The following ZNF207 variants were observed in gnomAD, a reference collection of about 807,000 sequenced individuals.
The protein encoded by ZNF207 is zinc finger protein 207.
In ZNF207, 24 loss-of-function variants were observed where a neutral mutation model predicts 60.2. The observed-to-expected ratio is 0.40, with a 90% confidence interval of 0.29 to 0.56. The LOEUF is 0.56. Ranked by LOEUF, ZNF207 falls within the 20% of genes least tolerant of loss-of-function variation. The probability of loss-of-function intolerance (pLI) is 0.49; values close to 1 mark genes in which losing one functional copy is unlikely to be tolerated. For missense variants in ZNF207, 452 were observed against 636.6 expected, an observed-to-expected ratio of 0.71 and a Z score of 3.12; for synonymous variants, 236 against 194.7, an observed-to-expected ratio of 1.21 and a Z score of -1.77.
chr17:32,379,892 C>G lies in ZNF207; in HGVS notation c.*10133C>G, dbSNP rs1905817820. 1 of 152,124 alleles carries G rather than the reference C, an allele frequency of 6.6e-6. No homozygotes were observed. Among genetic ancestry groups the G allele is most frequent in the South Asian group, 2.1e-4 (1 of 4,832 alleles). 9.4% of individuals were successfully genotyped at this position (152,124 alleles called of 1,614,324 possible). ...GTAACACATGGATTATTTTTTCCCT[C>G]TAGTTTTTAACTATATCCTAGATTA... On this transcript the variant is annotated 3_prime_UTR_variant, in exon 12 of 12. Transcript: ENST00000394670.
chr17:32,362,388 C>T (rs958925071), intron 6 of ZNF207, among the ~76,000 whole-genome samples: 1 of 152,136 alleles, frequency 6.6e-6, no homozygotes, highest in Non-Finnish European at 1.5e-5. Flanking sequence ...GTTTGAACTC[C>T]TGAGTTCAAG....
chr17:32,364,571 G>A (rs1597784862), intron 7 of ZNF207, among the ~76,000 whole-genome samples: 1 of 151,790 alleles, frequency 6.6e-6, no homozygotes, highest in Admixed American at 6.6e-5. Flanking sequence ...TGTTGGTCAG[G>A]CTGGTCTCGA....
Position 32,381,303 on chromosome 17 carries a change from A to G in ZNF207, c.*11544A>G, listed in dbSNP as rs1233584152. The G allele has an allele frequency of 6.6e-6, 1 of 152,242 alleles. No individual in the cohort carries two copies. Among genetic ancestry groups the G allele is most frequent in the African/African-American group, 2.4e-5 (1 of 41,464 alleles). The allele number at this position is 152,242 out of a possible 1,614,324, so 9.4% of individuals were successfully genotyped here. On this transcript the variant is annotated 3_prime_UTR_variant, in exon 12 of 12. Coordinates refer to ENST00000394670, the MANE Select transcript of ZNF207 (RefSeq NM_001098507.2). ...AGGAGGTCCTGAACAAAGCATGATAAATGTTAGTCCATGTGTATTATTAAA... is the reference window on the plus strand; with the variant it reads ...AGGAGGTCCTGAACAAAGCATGATAGATGTTAGTCCATGTGTATTATTAAA...
In ZNF207 at chr17:32,375,119, A is replaced by C. The variant is rs1288369086; in HGVS notation, c.*5360A>C. On this transcript the variant is annotated 3_prime_UTR_variant, in exon 12 of 12. Transcript: ENST00000394670. ...TTAGCAAACCTGGAATTGTTTGTATATGGTTTTCATTCTTGGAAGCATAAA... is the reference window on the plus strand; with the variant it reads ...TTAGCAAACCTGGAATTGTTTGTATCTGGTTTTCATTCTTGGAAGCATAAA... 1 of 152,238 alleles carries C rather than the reference A, an allele frequency of 6.6e-6. No individual in the cohort carries two copies. The highest frequency in any genetic ancestry group is 1.5e-5 in the Non-Finnish European group (1 of 68,040). 9.4% of individuals were successfully genotyped at this position (152,238 alleles called of 1,614,324 possible).
chr17:32,364,038 CT>C (rs33927687), intron 7 of ZNF207, among the ~76,000 whole-genome samples: 31 of 145,606 alleles, frequency 2.1e-4, no homozygotes, highest in Admixed American at 4.8e-4. Flanking sequence ...TTCTTTTCTT[CT>C]TTTTTTTTTT....
chr17:32,355,550 A>C (rs972598209), intron 2 of ZNF207, among the ~76,000 whole-genome samples: 1 of 152,214 alleles, frequency 6.6e-6, no homozygotes. Flanking sequence ...TTGATGTACA[A>C]GTCAGGAGTT....
intron 7 of ZNF207, among the ~76,000 whole-genome samples, chr17:32,363,924 C>T (rs918957587): frequency 6.6e-6 from 1 of 152,012 alleles, no homozygotes; most frequent in African/African-American, 2.4e-5. Context: ...TTAACCCATG[C>T]TTTTTTTGAC....
chr17:32,371,615 A>T lies in ZNF207; in HGVS notation c.*1856A>T, dbSNP rs1430950319. Reference sequence around the variant, plus strand: ...CATTTAAAAATTAGCCAGGCGCGTTAGTGTGTGTCTGTGGTCCCAGCTGCT... The same window carrying T: ...CATTTAAAAATTAGCCAGGCGCGTTTGTGTGTGTCTGTGGTCCCAGCTGCT... On this transcript the variant is annotated 3_prime_UTR_variant, in exon 12 of 12. Transcript: ENST00000394670. 1 of 152,124 alleles carries T rather than the reference A, an allele frequency of 6.6e-6. No individual in the cohort carries two copies. Among genetic ancestry groups the T allele is most frequent in the African/African-American group, 2.4e-5 (1 of 41,404 alleles). 9.4% of individuals were successfully genotyped at this position (152,124 alleles called of 1,614,324 possible).
chr17:32,362,812 CAA>C, intron 6 of ZNF207, 100 bp from the exon 7 acceptor site: 1 of 835,064 alleles, frequency 1.2e-6, no homozygotes, highest in East Asian at 2.7e-5. Context: ...AGGTCAGATT[CAA>C]GTCTTCTATC....
intron 1 of ZNF207, chr17:32,350,903 G>T (rs1321049141): frequency 1.3e-5 from 2 of 148,428 alleles, no homozygotes; most frequent in East Asian, 3.9e-4. Flanking sequence ...ACCCAGAGGC[G>T]CCTTAATCTT....
chr17:32,371,501 C>G lies in ZNF207; in HGVS notation c.*1742C>G, dbSNP rs1414204214. 1 of 152,232 alleles carries G rather than the reference C, an allele frequency of 6.6e-6. No homozygotes were observed. The highest frequency in any genetic ancestry group is 1.5e-5 in the Non-Finnish European group (1 of 68,092). 9.4% of individuals were successfully genotyped at this position (152,232 alleles called of 1,614,324 possible). A position where few individuals can be genotyped will look rare whatever the true frequency, so the allele number is the denominator to read the frequency against. On this transcript the variant is annotated 3_prime_UTR_variant, in exon 12 of 12. Transcript: ENST00000394670. Reference sequence around the variant, plus strand: ...CAGTGGCTCACGCCTGTAATCCCAGCCCTCTGGAAGGCTGAGATGGGAGGA... The same window carrying G: ...CAGTGGCTCACGCCTGTAATCCCAGGCCTCTGGAAGGCTGAGATGGGAGGA...
rs1905516654 is a variant in ZNF207, at chr17:32,372,474, T to G, written c.*2715T>G. ...TTATGCAAAGAAGGTTGATACTTTGTAGCAAGGTTTTTTGCTCTCTGTATA... is the reference window on the plus strand; with the variant it reads ...TTATGCAAAGAAGGTTGATACTTTGGAGCAAGGTTTTTTGCTCTCTGTATA... On this transcript the variant is annotated 3_prime_UTR_variant, in exon 12 of 12. Coordinates refer to ENST00000394670, the MANE Select transcript of ZNF207 (RefSeq NM_001098507.2). The G allele has an allele frequency of 6.6e-6, 1 of 152,230 alleles. No individual in the cohort carries two copies. The highest frequency in any genetic ancestry group is 2.1e-4 in the South Asian group (1 of 4,836). The allele number at this position is 152,230 out of a possible 1,614,324, so 9.4% of individuals were successfully genotyped here.
chr17:32,374,146 C>G lies in ZNF207; in HGVS notation c.*4387C>G, dbSNP rs1032534005. 2 of 151,962 alleles carry G rather than the reference C, an allele frequency of 1.3e-5. No homozygotes were observed. Among genetic ancestry groups the G allele is most frequent in the Non-Finnish European group, 2.9e-5 (2 of 68,066 alleles). 9.4% of individuals were successfully genotyped at this position (151,962 alleles called of 1,614,324 possible). ...AACTCCTGACCTCAGGTGATCCACC[C>G]ATCTCAGCCTCCCAGAGTGCTGGAG... On this transcript the variant is annotated 3_prime_UTR_variant, in exon 12 of 12. Transcript: ENST00000394670.
chr17:32,365,280 A>G (rs1428930748), intron 7 of ZNF207, 50 bp from the exon 8 acceptor site: 2 of 1,573,496 alleles, frequency 1.3e-6, no homozygotes. Flanking sequence ...GTTTTTTTCC[A>G]CACTAAATTT....
chr17:32,361,401 C>T, intron 5 of ZNF207, 67 bp from the exon 6 acceptor site: 4 of 1,380,800 alleles, frequency 2.9e-6, no homozygotes, highest in Non-Finnish European at 4.1e-6. Context: ...GAGAGGTATA[C>T]AATACACTTT....
intron 5 of ZNF207, 68 bp downstream of exon 5, chr17:32,361,035 A>T (rs772669809): frequency 1.3e-6 from 2 of 1,511,228 alleles, no homozygotes; most frequent in Middle Eastern, 2.3e-4. Flanking sequence ...TTTGGATGTT[A>T]TATGAATGAA....
In ZNF207 at chr17:32,374,919, T is replaced by G. The variant is rs1403223391; in HGVS notation, c.*5160T>G. 2 of 152,260 alleles carry G rather than the reference T, an allele frequency of 1.3e-5. No homozygotes were observed. Among genetic ancestry groups the G allele is most frequent in the African/African-American group, 4.8e-5 (2 of 41,456 alleles). 9.4% of individuals were successfully genotyped at this position (152,260 alleles called of 1,614,324 possible). A position where few individuals can be genotyped will look rare whatever the true frequency, so the allele number is the denominator to read the frequency against. On this transcript the variant is annotated 3_prime_UTR_variant, in exon 12 of 12. Coordinates refer to ENST00000394670, the MANE Select transcript of ZNF207 (RefSeq NM_001098507.2). ...TCCACATTTGTTTCCAACTAAAATT[T>G]GCTTTTATTTGGTGAGAAAAGTTGT...
intron 6 of ZNF207, 42 bp downstream of exon 6, chr17:32,361,557 T>G (rs1904882212): frequency 2.3e-3 from 3,481 of 1,539,180 alleles, no homozygotes; most frequent in Non-Finnish European, 2.8e-3. Flanking sequence ...GGTATAATCA[T>G]ACTGTCATTT....
At chr17:32,357,354 T>TTTA (rs1396431848) in intron 2 of ZNF207, among the ~76,000 whole-genome samples, 4 of 78,638 alleles carry the variant, frequency 5.1e-5, no homozygotes, top group Middle Eastern at 5.3e-3. Flanking sequence ...TATTATTATT[T>TTTA]TTTTTTTTTT....
Sources: allele counts gnomAD v4.1 joint callset (sites outside exome capture counted in the v4.1 genomes callset), GRCh38; gene constraint gnomAD v4.1.1; transcripts MANE v1.5; gene names NCBI Gene and HGNC (gene_info 2026-07-23, HGNC 2026-07-21).